KMT2B: variants seen among roughly 807,000 people sequenced by gnomAD.
KMT2B encodes the protein histone-lysine N-methyltransferase 2B.
In KMT2B, 22 loss-of-function variants were observed where a neutral mutation model predicts 255.3. That is an observed-to-expected ratio of 0.09 (90% CI 0.06 to 0.12). KMT2B has a LOEUF of 0.12. Among genes scored for constraint, KMT2B ranks in the 10% least tolerant of loss-of-function variants. The pLI is 1.00. For synonymous variants in KMT2B, 1,730 were observed against 1,498.1 expected (o/e 1.15, Z -3.57); for missense variants, 3,149 against 3,737.0 (o/e 0.84, Z 4.10).
rs548531437 is a variant in KMT2B at position 35,738,734 on chromosome 19, C to T, written c.*177C>T. 1.7e-4 allele frequency: 114 copies of T among 666,514 alleles called. 2 individuals are homozygous for T. In the South Asian group the frequency reaches 2.1e-3, roughly 13 times the overall value. The allele number at this position is 666,514 out of a possible 1,614,324, so 41.3% of individuals were successfully genotyped here. On this transcript the variant is annotated 3_prime_UTR_variant, in exon 37 of 37. Coordinates refer to ENST00000420124, the MANE Select transcript of KMT2B (RefSeq NM_014727.3). This position sits in a 1 kb window ranked among gnomAD's most constrained non-coding sequence, Gnocchi z 8.7. Reference sequence around the variant, plus strand: ...GCCTCCACCCCTCCAGCCCATCCAGCAATCGCCCCCTTTCTGCCCTGGGGG... The same window carrying T: ...GCCTCCACCCCTCCAGCCCATCCAGTAATCGCCCCCTTTCTGCCCTGGGGG...
chr19:35,718,940 C>T lies in KMT2B; in HGVS notation c.364-529C>T, dbSNP rs1205580363. ...GTCAGAGCTCAGCTCAGGATTTCTC[C>T]CCCAGCCTTTCAGAACAGGCAGGAA... On this transcript the variant is annotated intron_variant, in intron 1 of 36. Transcript: ENST00000420124. This position sits in a 1 kb window ranked among gnomAD's most constrained non-coding sequence, Gnocchi z 5.0. 6.6e-6 allele frequency among the ~76,000 whole-genome samples: 1 copy of T among 152,130 alleles called. No individual in the cohort carries two copies. Among genetic ancestry groups the T allele is most frequent in the Non-Finnish European group, 1.5e-5 (1 of 68,012 alleles).
chr19:35,718,081 G>C lies in KMT2B; in HGVS notation c.63G>C (p.Pro21=). The change falls in exon 1 of 37, where the codon CCG becomes CCC. Residue 21 remains proline (P), a synonymous_variant. Transcript: ENST00000420124. This position sits in a 1 kb window ranked among gnomAD's most constrained non-coding sequence, Gnocchi z 5.0. ...PGPGSARGRF[P]GRPRGAGGGG... ...CTGGCTCCGCGCGGGGCCGCTTCCCGGGCCGGCCGCGGGGCGCCGGCGGGG... is the reference window on the plus strand; with the variant it reads ...CTGGCTCCGCGCGGGGCCGCTTCCCCGGCCGGCCGCGGGGCGCCGGCGGGG... 1 of 987,418 alleles carries C rather than the reference G, an allele frequency of 1.0e-6. No individual in the cohort carries two copies. Among genetic ancestry groups the C allele is most frequent in the Non-Finnish European group, 1.2e-6 (1 of 832,672 alleles). 61.2% of individuals were successfully genotyped at this position (987,418 alleles called of 1,614,324 possible). A position where few individuals can be genotyped will look rare whatever the true frequency, so the allele number is the denominator to read the frequency against.
rs373956481 is a variant in KMT2B, at chr19:35,726,220, C to T, written c.3886-16C>T. ...CCAGTGCCTGGTTTTCCCCTAACAT[C>T]GCCCTGCTCCCCCAGATCTGTTCAG... On this transcript the variant is annotated splice_polypyrimidine_tract_variant and intron_variant, in intron 13 of 36. Transcript: ENST00000420124. 1.2e-5 allele frequency: 19 copies of T among 1,601,892 alleles called. No individual in the cohort carries two copies. Among genetic ancestry groups the T allele is most frequent in the African/African-American group, 9.4e-5 (7 of 74,654 alleles).
In KMT2B at chr19:35,719,805, G is replaced by A. The variant is rs1207526485; in HGVS notation, c.458G>A (p.Gly153Asp). 1 of 1,603,092 alleles carries A rather than the reference G, an allele frequency of 6.2e-7. No homozygotes were observed. The change falls in exon 3 of 37, where the codon GGT (glycine) becomes GAT (aspartate). Residue 153 changes from glycine to aspartate, a missense_variant. Gly to Asp is a moderately conservative substitution (Grantham distance 94). This residue lies in a region of KMT2B where 1,188 missense variants were observed against 1,106.4 expected (regional missense o/e 1.07). Coordinates refer to ENST00000420124, the MANE Select transcript of KMT2B (RefSeq NM_014727.3). ...SQRGRAPRGR[G>D]RKHKTTPLPP... ...TTAGGTCGAGCGCCCCGAGGTCGGG[G>A]TCGCAAGCATAAGACGACCCCCCTT...
chr19:35,722,286 A>G, intron 3 of KMT2B, 73 bp from the exon 4 acceptor site: 1 of 1,443,978 alleles, frequency 6.9e-7, no homozygotes, highest in South Asian at 1.3e-5. Flanking sequence ...TACAGGCATC[A>G]GCCACCACAC....
rs777024507 is a variant in KMT2B, at chr19:35,732,712, G to C, written c.6163G>C (p.Ala2055Pro). 38 of 1,609,406 alleles carry C rather than the reference G, an allele frequency of 2.4e-5. No individual in the cohort carries two copies. The highest frequency in any genetic ancestry group is 6.7e-5 in the African/African-American group (5 of 74,834). ...TCTGGCCCCCAGCGCTACCCCTGGA[G>C]CCCCCCGCATTGAACAGCTGGACGG... ...PGLAPSATPGAPRIEQLDGVD... is the reference protein window; with the variant it reads ...PGLAPSATPGPPRIEQLDGVD... Residue 2055 changes from alanine to proline, a missense_variant, in exon 28 of 37, where the codon GCC becomes CCC. Around this residue, in one of 18 missense-constraint regions of KMT2B, gnomAD observed 897 missense variants for 825.3 expected, o/e 1.09. Coordinates refer to ENST00000420124, the MANE Select transcript of KMT2B (RefSeq NM_014727.3).
At position 35,738,626 on chromosome 19, in the gene KMT2B, G is replaced by A. The variant is rs569745087; in HGVS notation, c.*69G>A. 1.3e-6 allele frequency: 2 copies of A among 1,527,540 alleles called. No homozygotes were observed. The highest frequency in any genetic ancestry group is 4.7e-5 in the East Asian group (2 of 42,546). The allele number at this position is 1,527,540 out of a possible 1,614,324, so 94.6% of individuals were successfully genotyped here. A position where few individuals can be genotyped will look rare whatever the true frequency, so the allele number is the denominator to read the frequency against. ...TCGCTGCCATCTTGCCCCTAGCCTG[G>A]GGGCTCCCTAGCCCCTCCCAGAGCA... On this transcript the variant is annotated 3_prime_UTR_variant, in exon 37 of 37. Coordinates refer to ENST00000420124, the MANE Select transcript of KMT2B (RefSeq NM_014727.3). This position sits in a 1 kb window ranked among gnomAD's most constrained non-coding sequence, Gnocchi z 8.7.
intron 30 of KMT2B, among the ~76,000 whole-genome samples, chr19:35,734,740 A>G (rs1969852782): frequency 6.6e-6 from 1 of 152,114 alleles, no homozygotes; most frequent in Admixed American, 6.5e-5. Flanking sequence ...TTGGTCCCTG[A>G]GGGCAGTGGC....
In KMT2B at chr19:35,732,993, C is replaced by T; in HGVS notation, c.6444C>T (p.Pro2148=). Residue 2148 remains proline (P), a synonymous_variant, in exon 28 of 37, where the codon CCC becomes CCT. Coordinates refer to ENST00000420124, the MANE Select transcript of KMT2B (RefSeq NM_014727.3). ...CTCCCCTGGCTAATGGCAGCCAGCC[C>T]TCCCAAGGCCTGACCGCCAGCCCAG... ...PAPPLANGSQ[P]SQGLTASPAD... The T allele has an allele frequency of 2.5e-6, 4 of 1,599,580 alleles. No homozygotes were observed. Among genetic ancestry groups the T allele is most frequent in the Non-Finnish European group, 3.4e-6 (4 of 1,173,848 alleles).
rs750165587 is a variant in KMT2B at position 35,726,349 on chromosome 19, G to A, written c.3999G>A (p.Glu1333=). The A allele has an allele frequency of 1.4e-5, 23 of 1,604,396 alleles. No individual in the cohort carries two copies. The highest frequency in any genetic ancestry group is 1.9e-5 in the Non-Finnish European group (22 of 1,171,464). ...SLCPRCTQLY[E]KGNYCPICTR... is the part of the protein sequence containing the mutation. ...GCCCCAGGTGCACCCAGCTATATGA[G>A]AAAGGTGGGGACCGGGCAGGGGAAC... Residue 1333 remains glutamate, a synonymous_variant, in exon 14 of 37, where the codon GAG becomes GAA. Transcript: ENST00000420124.
intron 21 of KMT2B, 28 bp downstream of exon 21, chr19:35,729,104 T>A (rs767661009): frequency 3.7e-6 from 6 of 1,613,806 alleles, no homozygotes; most frequent in Non-Finnish European, 4.2e-6. Flanking sequence ...ACGCACCAGG[T>A]TGTGGGGCCT....
chr19:35,735,338 G>A (rs1969875117), intron 30 of KMT2B: 3 of 152,396 alleles, frequency 2.0e-5, no homozygotes, highest in South Asian at 2.1e-4. Flanking sequence ...CCAACCCCCA[G>A]TGGTCAGTCC....
At chr19:35,731,758 G>A (rs1969702954) in intron 26 of KMT2B, 150 bp from the exon 27 acceptor site, 1 of 672,066 alleles carries the variant, frequency 1.5e-6, no homozygotes. Flanking sequence ...TCCACGGTGG[G>A]TTTAGCCTGG....
intron 13 of KMT2B, 135 bp from the exon 14 acceptor site, chr19:35,726,101 C>A: frequency 1.4e-6 from 1 of 702,844 alleles, no homozygotes; most frequent in Non-Finnish European, 2.6e-6. Flanking sequence ...CCGTGTCTGT[C>A]CTGCGTGTTT....
At position 35,728,865 on chromosome 19, in the gene KMT2B, C is replaced by G. The variant is rs2146458893; in HGVS notation, c.4663C>G (p.Gln1555Glu). 4 of 1,613,934 alleles carry G rather than the reference C, an allele frequency of 2.5e-6. No individual in the cohort carries two copies. In the East Asian group the frequency reaches 8.9e-5, roughly 36 times the overall value. Residue 1555 changes from glutamine to glutamate, a missense_variant, in exon 20 of 37, where the codon CAG becomes GAG. Physicochemically the swap from Gln to Glu is conservative, Grantham distance 29. This residue lies in a region of KMT2B where 377 missense variants were observed against 471.0 expected (regional missense o/e 0.80). Transcript: ENST00000420124. Reference protein sequence around the residue: ...QQEPETPESGQPPGDPSAAFQ... With the variant: ...QQEPETPESGEPPGDPSAAFQ... ...GGAACCAGAGACCCCAGAATCAGGG[C>G]AGCCTCCAGGGGATCCCTCAGCAGG...
Position 35,737,993 on chromosome 19 carries a change from C to G in KMT2B, c.7742+51C>G. On this transcript the variant is annotated intron_variant, in intron 35 of 36. Coordinates refer to ENST00000420124, the MANE Select transcript of KMT2B (RefSeq NM_014727.3). This position sits in a 1 kb window ranked among gnomAD's most constrained non-coding sequence, Gnocchi z 5.3. ...CCCCTTGGGTGGACGGACAGGTGCA[C>G]TGGGTAGGGGGTACTGTCTGGTTTC... 6.2e-7 allele frequency: 1 copy of G among 1,610,964 alleles called. No individual in the cohort carries two copies. The highest frequency in any genetic ancestry group is 1.3e-5 in the African/African-American group (1 of 74,964).
In KMT2B at chr19:35,737,816, C is replaced by T. The variant is rs373905439; in HGVS notation, c.7659-43C>T. On this transcript the variant is annotated intron_variant, in intron 34 of 36. Coordinates refer to ENST00000420124, the MANE Select transcript of KMT2B (RefSeq NM_014727.3). This position sits in a 1 kb window ranked among gnomAD's most constrained non-coding sequence, Gnocchi z 5.3. ...GAGAGTGAGCAGGGGTGAGAGAGGT[C>T]ATTCTGAGCACCAGCCTGGGTGACA... 3.9e-6 allele frequency: 6 copies of T among 1,550,866 alleles called. No individual in the cohort carries two copies. The highest frequency in any genetic ancestry group is 4.4e-6 in the Non-Finnish European group (5 of 1,145,516).
Position 35,718,050 on chromosome 19 carries a change from C to T in KMT2B, c.32C>T (p.Pro11Leu). 2 of 986,442 alleles carry T rather than the reference C, an allele frequency of 2.0e-6. No individual in the cohort carries two copies. Among genetic ancestry groups the T allele is most frequent in the Non-Finnish European group, 2.4e-6 (2 of 831,918 alleles). The allele number at this position is 986,442 out of a possible 1,614,324, so 61.1% of individuals were successfully genotyped here. A position where few individuals can be genotyped will look rare whatever the true frequency, so the allele number is the denominator to read the frequency against. The change falls in exon 1 of 37, where the codon CCC (proline) becomes CTC (leucine). Residue 11 changes from proline (P) to leucine (L), a missense_variant. By Grantham distance (98) the Pro-to-Leu change is moderately conservative. Around this residue, in one of 18 missense-constraint regions of KMT2B, gnomAD observed 15 missense variants for 16.8 expected, o/e 0.89. Coordinates refer to ENST00000420124, the MANE Select transcript of KMT2B (RefSeq NM_014727.3). The surrounding 1 kb of genome is among the most constrained non-coding windows in gnomAD (Gnocchi z 5.0). MAAAAGGGSC[P>L]GPGSARGRFP... ...GCGGCGGCGGGCGGCGGCAGTTGCCCCGGGCCTGGCTCCGCGCGGGGCCGC... is the reference window on the plus strand; with the variant it reads ...GCGGCGGCGGGCGGCGGCAGTTGCCTCGGGCCTGGCTCCGCGCGGGGCCGC...
intron 19 of KMT2B, 34 bp from the exon 20 acceptor site, chr19:35,728,740 G>T: frequency 6.4e-7 from 1 of 1,566,722 alleles, no homozygotes; most frequent in Non-Finnish European, 8.8e-7. Flanking sequence ...TGCCCTTGTT[G>T]GGCACATCAG....
Sources: gnomAD v4.1 joint callset for allele counts (sites outside exome capture counted in the v4.1 genomes callset) on GRCh38, gnomAD v4.1.1 for gene constraint, gnomAD v4.1.1 regional missense constraint, Gnocchi (gnomAD v3.1) non-coding constraint, MANE v1.5 for transcripts, NCBI Gene and HGNC (gene_info 2026-07-23, HGNC 2026-07-21) for gene names.